Variants in GAL3ST3 observed in about 807,000 individuals in gnomAD.
GAL3ST3 encodes galactose-3-O-sulfotransferase 3, also known as beta-galactose-3-O-sulfotransferase 3.
Under a neutral mutation model 20.8 loss-of-function variants are expected in GAL3ST3, and 21 were observed. The observed-to-expected ratio is 1.01, with a 90% CI of 0.72 to 1.45. The LOEUF is 1.45. GAL3ST3 is among the 40% of genes most tolerant of loss of function. The pLI, the probability that GAL3ST3 is intolerant of heterozygous loss-of-function variation, is 0.00. For missense variants in GAL3ST3, 739 were observed against 662.7 expected (o/e 1.12, Z -1.26); for synonymous variants, 355 against 307.2 (o/e 1.16, Z -1.63).
At chr11:66,047,081 G>T (rs141912255) in intron 1 of GAL3ST3, among the ~76,000 whole-genome samples, 1 of 152,208 alleles carries the variant, frequency 6.6e-6, no homozygotes, top group Non-Finnish European at 1.5e-5. Context: ...CAAGGGTAAA[G>T]GGTCCAGCCA....
rs1856743115 is a variant in GAL3ST3, at chr11:66,043,407, G to A, written c.396C>T (p.Phe132=). ...TGAGGCGCTCCAGCTCCGCACGGTC[G>A]AAGCGCAGGTGGCTGGCCAGCACGT... ...PPHVLASHLR[F]DRAELERLMP... The change falls in exon 3 of 3, where the codon TTC becomes TTT. Residue 132 remains phenylalanine, a synonymous_variant. Coordinates refer to ENST00000312006, the MANE Select transcript of GAL3ST3 (RefSeq NM_033036.3). 4 of 1,609,970 alleles carry A rather than the reference G, an allele frequency of 2.5e-6. No individual in the cohort carries two copies. The South Asian group carries it at 4.4e-5, about 18-fold the overall frequency.
chr11:66,043,712 G>T, intron 2 of GAL3ST3, 35 bp from the exon 3 acceptor site: 2 of 1,544,148 alleles, frequency 1.3e-6, no homozygotes, highest in Non-Finnish European at 1.8e-6. Flanking sequence ...AGAGGAGGGT[G>T]TGAGGGGGCT....
rs1347574885 is a variant in GAL3ST3 at position 66,041,226 on chromosome 11, C to T, written c.*1281G>A. Among the ~76,000 whole-genome samples, 1 of 152,218 alleles carries T rather than the reference C, an allele frequency of 6.6e-6. No homozygotes were observed. The highest frequency in any genetic ancestry group is 1.9e-4 in the East Asian group (1 of 5,204). On this transcript the variant is annotated 3_prime_UTR_variant, in exon 3 of 3. Coordinates refer to ENST00000312006, the MANE Select transcript of GAL3ST3 (RefSeq NM_033036.3). The stretch of plus-strand genomic sequence containing the variant: ...CCCTCACCTGGAAAACGGCACCCAT[C>T]TCCAAAGTTAACATACATAAAGCCC...
intron 2 of GAL3ST3, among the ~76,000 whole-genome samples, chr11:66,043,948 G>C (rs759786113): frequency 2.0e-5 from 3 of 152,194 alleles, no homozygotes; most frequent in Admixed American, 6.5e-5. Context: ...GAAATGATGG[G>C]ATGTCACTTC....
In GAL3ST3 at chr11:66,042,358, TCA is replaced by T; in HGVS notation, c.*147_*148del. ...TCAGCCCACGATCGGGAGCGGGGGC[TCA>T]GATAGGGAGGCGTACCCCAAAGTTC... On this transcript the variant is annotated 3_prime_UTR_variant, in exon 3 of 3. Transcript: ENST00000312006. 1 of 618,814 alleles carries T rather than the reference TCA, an allele frequency of 1.6e-6. No homozygotes were observed. The highest frequency in any genetic ancestry group is 2.6e-6 in the Non-Finnish European group (1 of 378,902). 38.3% of individuals were successfully genotyped at this position (618,814 alleles called of 1,614,324 possible).
At position 66,043,026 on chromosome 11, in the gene GAL3ST3, C is replaced by G; in HGVS notation, c.777G>C (p.Leu259=). The G allele has an allele frequency of 6.2e-7, 1 of 1,610,048 alleles. No homozygotes were observed. Residue 259 remains leucine, a synonymous_variant, in exon 3 of 3, where the codon CTG becomes CTC. Transcript: ENST00000312006. ...TGAGCTTGGCGTAGAGCACGTCGTC[C>G]AGGTCCCAGGCCAGTAGGCGCCGCA... ...VLLRRLLAWD[L]DDVLYAKLNA...
chr11:66,042,830 G>C lies in GAL3ST3; in HGVS notation c.973C>G (p.Arg325Gly), dbSNP rs1203444304. 1.8e-4 allele frequency: 241 copies of C among 1,370,032 alleles called. No homozygotes were observed. The highest frequency in any genetic ancestry group is 2.2e-4 in the Non-Finnish European group (233 of 1,070,976). The allele number at this position is 1,370,032 out of a possible 1,614,324, so 84.9% of individuals were successfully genotyped here. The change falls in exon 3 of 3, where the codon CGC (arginine) becomes GGC (glycine). Residue 325 changes from arginine to glycine, a missense_variant. By Grantham distance (125) the Arg-to-Gly change is moderately radical. Coordinates refer to ENST00000312006, the MANE Select transcript of GAL3ST3 (RefSeq NM_033036.3). ...ACVEREARELREARQRLLRRC... is the reference protein window; with the variant it reads ...ACVEREARELGEARQRLLRRC... Reference sequence around the variant, plus strand: ...CGCAGTAGGCGCTGGCGGGCCTCGCGCAGCTCGCGCGCCTCGCGCTCCACG... The same window carrying C: ...CGCAGTAGGCGCTGGCGGGCCTCGCCCAGCTCGCGCGCCTCGCGCTCCACG...
Position 66,042,507 on chromosome 11 carries a change from T to A in GAL3ST3, c.1296A>T (p.Ter432CysextTer37). ...CCATACTCCTGGAGGCCTGCGGAGC[T>A]CAGGGACCTTGAGGGCCGCGAGGCA... is the stretch of plus-strand genomic sequence containing the variant. Reference protein sequence around the residue: ...RVLPRGPQGP* With the variant: ...RVLPRGPQGPC The change falls in exon 3 of 3, where the codon TGA (stop) becomes TGT (cysteine). Residue 432 changes from the stop codon to cysteine (C), a stop_lost. Transcript: ENST00000312006. 1 of 1,474,548 alleles carries A rather than the reference T, an allele frequency of 6.8e-7. No homozygotes were observed. The highest frequency in any genetic ancestry group is 2.5e-5 in the East Asian group (1 of 40,040). 91.3% of individuals were successfully genotyped at this position (1,474,548 alleles called of 1,614,324 possible).
chr11:66,043,281 G>T lies in GAL3ST3; in HGVS notation c.522C>A (p.Arg174=). ...AGGCCTCGAGCGAGGCGTTGGGTAC[G>T]CGCCGGAAGGCCGGGCAGTACTGGT... The part of the protein sequence containing the change: ...YYNQYCPAFR[R]VPNASLEAFL... Residue 174 remains arginine, a synonymous_variant, in exon 3 of 3, where the codon CGC becomes CGA. Transcript: ENST00000312006. 1 of 1,612,052 alleles carries T rather than the reference G, an allele frequency of 6.2e-7. No homozygotes were observed. The highest frequency in any genetic ancestry group is 8.5e-7 in the Non-Finnish European group (1 of 1,179,106).
rs1478372387 is a variant in GAL3ST3 at position 66,043,368 on chromosome 11, G to T, written c.435C>A (p.Thr145=). The change falls in exon 3 of 3, where the codon ACC becomes ACA. Residue 145 remains threonine (T), a synonymous_variant. Coordinates refer to ENST00000312006, the MANE Select transcript of GAL3ST3 (RefSeq NM_033036.3). The part of the protein sequence containing the change: ...AELERLMPPS[T]VYVTILREPA... Reference sequence around the variant, plus strand: ...GCTCGCGCAGGATGGTGACATAGACGGTGCTGGGCGGCATGAGGCGCTCCA... The same window carrying T: ...GCTCGCGCAGGATGGTGACATAGACTGTGCTGGGCGGCATGAGGCGCTCCA... 4 of 1,609,876 alleles carry T rather than the reference G, an allele frequency of 2.5e-6. No homozygotes were observed. In the East Asian group the frequency reaches 6.7e-5, roughly 27 times the overall value.
chr11:66,042,579 C>G lies in GAL3ST3; in HGVS notation c.1224G>C (p.Arg408=), dbSNP rs899371088. 2.0e-6 allele frequency: 3 copies of G among 1,535,352 alleles called. No homozygotes were observed. Among genetic ancestry groups the G allele is most frequent in the Admixed American group, 2.0e-5 (1 of 50,614 alleles). ...KQKRRGGARA[R]PEPVLDNPPP... is the part of the protein sequence containing the mutation. ...GGGGATTGTCCAGGACGGGCTCGGG[C>G]CGAGCCCGCGCACCGCCCCGGCGCT... Residue 408 remains arginine (R), a synonymous_variant, in exon 3 of 3, where the codon CGG becomes CGC. Transcript: ENST00000312006.
In GAL3ST3 at chr11:66,042,789, G is replaced by A. The variant is rs1367843966; in HGVS notation, c.1014C>T (p.Asp338=). The change falls in exon 3 of 3, where the codon GAC becomes GAT. Residue 338 remains aspartate (D), a synonymous_variant. Transcript: ENST00000312006. Reference sequence around the variant, plus strand: ...GCGCGGCAGGCCGCAGCAGTGGCTCGTCCCCGAAGCAGCGCCGCAGTAGGC... The same window carrying A: ...GCGCGGCAGGCCGCAGCAGTGGCTCATCCCCGAAGCAGCGCCGCAGTAGGC... ...RQRLLRRCFG[D]EPLLRPAAQI... is the part of the protein sequence containing the mutation. The A allele has an allele frequency of 6.7e-7, 1 of 1,485,060 alleles. No individual in the cohort carries two copies. The highest frequency in any genetic ancestry group is 2.6e-5 in the East Asian group (1 of 37,826). 92.0% of individuals were successfully genotyped at this position (1,485,060 alleles called of 1,614,324 possible). A position where few individuals can be genotyped will look rare whatever the true frequency, so the allele number is the denominator to read the frequency against.
chr11:66,042,520 G>A lies in GAL3ST3; in HGVS notation c.1283C>T (p.Pro428Leu), dbSNP rs1856716376. 1.3e-6 allele frequency: 2 copies of A among 1,487,212 alleles called. No homozygotes were observed. The highest frequency in any genetic ancestry group is 1.8e-6 in the Non-Finnish European group (2 of 1,126,316). 92.1% of individuals were successfully genotyped at this position (1,487,212 alleles called of 1,614,324 possible). Residue 428 changes from proline (P) to leucine (L), a missense_variant, in exon 3 of 3, where the codon CCT becomes CTT. Coordinates refer to ENST00000312006, the MANE Select transcript of GAL3ST3 (RefSeq NM_033036.3). The part of the protein sequence containing the change: ...PRPIRVLPRG[P>L]QGP ...GGCCTGCGGAGCTCAGGGACCTTGAGGGCCGCGAGGCAGCACTCGGATGGG... is the reference window on the plus strand; with the variant it reads ...GGCCTGCGGAGCTCAGGGACCTTGAAGGCCGCGAGGCAGCACTCGGATGGG...
chr11:66,046,075 G>T (rs1001128804), intron 1 of GAL3ST3, among the ~76,000 whole-genome samples: 5 of 152,134 alleles, frequency 3.3e-5, no homozygotes, highest in African/African-American at 1.2e-4. Flanking sequence ...ATCCCATTTA[G>T]TCCTCACCAC....
In GAL3ST3 at chr11:66,042,051, C is replaced by T; in HGVS notation, c.*456G>A. The T allele has an allele frequency of 6.4e-6, 1 of 156,242 alleles. No individual in the cohort carries two copies. The highest frequency in any genetic ancestry group is 2.4e-5 in the African/African-American group (1 of 41,720). 9.7% of individuals were successfully genotyped at this position (156,242 alleles called of 1,614,324 possible). Reference sequence around the variant, plus strand: ...CTGGGAGACTGGGAGCAGCTTAGGTCTGTGGGGAGGGTAGAACCTGGAAGA... The same window carrying T: ...CTGGGAGACTGGGAGCAGCTTAGGTTTGTGGGGAGGGTAGAACCTGGAAGA... On this transcript the variant is annotated 3_prime_UTR_variant, in exon 3 of 3. Transcript: ENST00000312006.
At position 66,042,895 on chromosome 11, in the gene GAL3ST3, G is replaced by C; in HGVS notation, c.908C>G (p.Ala303Gly). ...GCGCGCCACGTGGCGCCAGAAGGTG[G>C]CGTTGAAGTGGTCGTAGAGGCCGGC... ...LDAGLYDHFNATFWRHVARAG... is the reference protein window; with the variant it reads ...LDAGLYDHFNGTFWRHVARAG... The change falls in exon 3 of 3, where the codon GCC becomes GGC. Residue 303 changes from alanine to glycine, a missense_variant. Transcript: ENST00000312006. 1 of 1,202,936 alleles carries C rather than the reference G, an allele frequency of 8.3e-7. No homozygotes were observed. Among genetic ancestry groups the C allele is most frequent in the Non-Finnish European group, 1.0e-6 (1 of 959,552 alleles). 74.5% of individuals were successfully genotyped at this position (1,202,936 alleles called of 1,614,324 possible).
intron 1 of GAL3ST3, among the ~76,000 whole-genome samples, chr11:66,047,430 T>C (rs913222093): frequency 5.3e-5 from 8 of 152,226 alleles, no homozygotes; most frequent in African/African-American, 9.6e-5. Flanking sequence ...GAGCTTCTAC[T>C]GGCCGCACAG....
rs1371616119 is a variant in GAL3ST3 at position 66,043,562 on chromosome 11, T to C, written c.241A>G (p.Asn81Asp). The change falls in exon 3 of 3, where the codon AAC (asparagine) becomes GAC (aspartate). Residue 81 changes from asparagine to aspartate, a missense_variant. By Grantham distance (23) the Asn-to-Asp change is conservative. Transcript: ENST00000312006. ...THKTAGTTVQ[N>D]ILFRFAERHN... The stretch of plus-strand genomic sequence containing the variant: ...CGCTCGGCAAAGCGAAACAGGATGT[T>C]CTGCACCGTCGTGCCTGCCGTCTTG... 1.2e-6 allele frequency: 2 copies of C among 1,612,176 alleles called. No homozygotes were observed. Among genetic ancestry groups the C allele is most frequent in the Admixed American group, 3.3e-5 (2 of 60,014 alleles).
intron 1 of GAL3ST3, among the ~76,000 whole-genome samples, chr11:66,046,869 ATGAAAACCCTTT>A (rs1407577217): frequency 6.6e-5 from 10 of 152,184 alleles, no homozygotes; most frequent in Admixed American, 6.5e-4. Flanking sequence ...GTAAGGTAAT[ATGAAAACCCTTT>A]TGATCATCAC....
Sources: gnomAD v4.1 joint callset for allele counts (sites outside exome capture counted in the v4.1 genomes callset) on GRCh38, gnomAD v4.1.1 for gene constraint, MANE v1.5 for transcripts, NCBI Gene and HGNC (gene_info 2026-07-23, HGNC 2026-07-21) for gene names.